The following ITSN2 variants were observed in gnomAD, a reference collection of about 807,000 sequenced individuals.
ITSN2 encodes intersectin-2.
A neutral mutation model predicts 243.7 loss-of-function variants in ITSN2; 156 were observed. The observed-to-expected ratio is 0.64, with a 90% confidence interval of 0.56 to 0.73. ITSN2 has a LOEUF of 0.73. ITSN2 is among the 30% of genes least tolerant of loss of function. The pLI is 0.00. For missense variants in ITSN2, 1,801 were observed against 1,996.1 expected (o/e 0.90, Z 1.86); for synonymous variants, 703 against 699.9 (o/e 1.00, Z -0.07).
intron 1 of ITSN2, among the ~76,000 whole-genome samples, chr2:24,342,633 T>C (rs1467520712): frequency 2.0e-5 from 3 of 151,092 alleles, no homozygotes; most frequent in Admixed American, 1.3e-4. Flanking sequence ...CTCAACCAGA[T>C]ATGTGCATTT....
intron 17 of ITSN2, among the ~76,000 whole-genome samples, chr2:24,283,296 C>T (rs1679053927): frequency 6.6e-6 from 1 of 152,052 alleles, no homozygotes; most frequent in African/African-American, 2.4e-5. Flanking sequence ...GCGACCTCGG[C>T]TCACTGCAAC....
intron 32 of ITSN2, 109 bp downstream of exon 32, chr2:24,215,940 A>G: frequency 2.7e-6 from 2 of 741,632 alleles, no homozygotes; most frequent in Non-Finnish European, 4.0e-6. Context: ...TCCTTTGGAA[A>G]CTGATGGGGA....
chr2:24,242,352 C>T (rs1188059345), intron 29 of ITSN2: 2 of 152,278 alleles, frequency 1.3e-5, no homozygotes, highest in African/African-American at 4.8e-5. Flanking sequence ...AATTATGTAA[C>T]AAAATGAAAA....
intron 29 of ITSN2, among the ~76,000 whole-genome samples, chr2:24,231,347 T>C (rs966898305): frequency 6.6e-6 from 1 of 152,216 alleles, no homozygotes; most frequent in African/African-American, 2.4e-5. Context: ...ATTTATGGAA[T>C]GTGATGTGAA....
At chr2:24,347,676 A>G (rs889325554) in intron 1 of ITSN2, among the ~76,000 whole-genome samples, 2 of 152,038 alleles carry the variant, frequency 1.3e-5, no homozygotes, top group African/African-American at 4.8e-5. Flanking sequence ...ATAAGAGCGA[A>G]ATGTCATCTC....
intron 12 of ITSN2, 53 bp from the exon 13 acceptor site, chr2:24,298,867 T>C: frequency 1.3e-6 from 2 of 1,521,698 alleles, no homozygotes; most frequent in Non-Finnish European, 1.8e-6. Flanking sequence ...TTTTGCACGA[T>C]TCAAAAACTG....
intron 18 of ITSN2, among the ~76,000 whole-genome samples, chr2:24,274,990 T>A (rs1344493179): frequency 2.0e-5 from 3 of 152,244 alleles, no homozygotes; most frequent in Non-Finnish European, 4.4e-5. Flanking sequence ...AGGCTTCAGA[T>A]ACCACAAATG....
At chr2:24,360,701 G>C (rs1313049235), upstream of ITSN2, 20 of 152,476 alleles carry the variant, frequency 1.3e-4, no homozygotes. Context: ...CTCCGAGTCG[G>C]TCGGGTCCGA....
At chr2:24,264,218 C>G (rs1676292854) in intron 20 of ITSN2, among the ~76,000 whole-genome samples, 1 of 151,790 alleles carries the variant, frequency 6.6e-6, no homozygotes, top group African/African-American at 2.4e-5. Flanking sequence ...ATGGAAAAAC[C>G]CTGTCTCTAG....
chr2:24,248,602 TTATAGATGC>T lies in ITSN2; in HGVS notation c.3288+18_3288+26del, dbSNP rs1328512945. 6.4e-7 allele frequency: 1 copy of T among 1,556,978 alleles called. No homozygotes were observed. The highest frequency in any genetic ancestry group is 2.0e-5 in the Admixed American group (1 of 49,778). ...GCATGCAGTACTTTTATAATAAAAT[TTATAGATGC>T]TATTTAAAGAATATTACCTGTAACT... On this transcript the variant is annotated intron_variant, in intron 27 of 39. Transcript: ENST00000355123.
At chr2:24,256,496 C>G (rs955942923) in intron 23 of ITSN2, among the ~76,000 whole-genome samples, 10 of 152,164 alleles carry the variant, frequency 6.6e-5, no homozygotes, top group African/African-American at 2.2e-4. Flanking sequence ...CTACCAACTT[C>G]CATATAAAAC....
chr2:24,210,914 G>C lies in ITSN2; in HGVS notation c.4123C>G (p.His1375Asp), dbSNP rs1046351012. 3 of 1,614,216 alleles carry C rather than the reference G, an allele frequency of 1.9e-6. No individual in the cohort carries two copies. The highest frequency in any genetic ancestry group is 1.7e-6 in the Non-Finnish European group (2 of 1,180,034). Reference sequence around the variant, plus strand: ...TCGAGGGCCAGCTTTAGGGAGGAATGGTCTGCATGGCTCTCCGGGGTGTTC... The same window carrying C: ...TCGAGGGCCAGCTTTAGGGAGGAATCGTCTGCATGGCTCTCCGGGGTGTTC... Reference protein sequence around the residue: ...LENTPESHADHSSLKLALERA... With the variant: ...LENTPESHADDSSLKLALERA... The change falls in exon 34 of 40, where the codon CAT (histidine) becomes GAT (aspartate). Residue 1375 changes from histidine (H) to aspartate (D), a missense_variant. Physicochemically the swap from His to Asp is moderately conservative, Grantham distance 81. This residue lies in a region of ITSN2 where 928 missense variants were observed against 1,065.4 expected (regional missense o/e 0.87). Transcript: ENST00000355123.
chr2:24,284,771 A>G lies in ITSN2; in HGVS notation c.1936T>C (p.Leu646=). 1 of 1,584,564 alleles carries G rather than the reference A, an allele frequency of 6.3e-7. No homozygotes were observed. Residue 646 remains leucine (L), a synonymous_variant, in exon 17 of 40, where the codon TTA becomes CTA. Coordinates refer to ENST00000355123, the MANE Select transcript of ITSN2 (RefSeq NM_006277.3). ...AGATATTAGAAAATAACCTTAAGTA[A>G]GAGGAAGAGGTTGTTGAGACAGCTT... is the stretch of plus-strand genomic sequence containing the variant. The part of the protein sequence containing the change: ...LLSCLNNLFL[L]LKELRETYNT...
intron 1 of ITSN2, among the ~76,000 whole-genome samples, chr2:24,332,055 C>T (rs575986794): frequency 6.6e-6 from 1 of 152,248 alleles, no homozygotes; most frequent in South Asian, 2.1e-4. Context: ...ACCAGCCTGA[C>T]CAACATGGTG....
At chr2:24,289,929 A>G (rs1218775334) in intron 15 of ITSN2, among the ~76,000 whole-genome samples, 1 of 152,158 alleles carries the variant, frequency 6.6e-6, no homozygotes, top group Non-Finnish European at 1.5e-5. Flanking sequence ...GTTTACCCCC[A>G]TTGATTATGA....
At chr2:24,246,046 T>A (rs1673318975) in intron 29 of ITSN2, 83 bp downstream of exon 29, 2 of 905,830 alleles carry the variant, frequency 2.2e-6, no homozygotes, top group South Asian at 3.9e-5. Flanking sequence ...GAGTTTAAGA[T>A]CTAATCCAGA....
At chr2:24,355,530 A>G (rs1488151971) in intron 1 of ITSN2, among the ~76,000 whole-genome samples, 4 of 152,230 alleles carry the variant, frequency 2.6e-5, no homozygotes, top group Admixed American at 2.6e-4. Context: ...GGCTAGCCAT[A>G]TGCAGAAAAC....
At chr2:24,236,827 C>A (rs1043250593) in intron 29 of ITSN2, among the ~76,000 whole-genome samples, 4 of 151,592 alleles carry the variant, frequency 2.6e-5, no homozygotes, top group Admixed American at 2.0e-4. Flanking sequence ...GCAGCAGCAC[C>A]ACTCCCAGCT....
intron 29 of ITSN2, 109 bp from the exon 30 acceptor site, chr2:24,221,175 C>T (rs918827646): frequency 4.5e-5 from 56 of 1,257,340 alleles, no homozygotes; most frequent in East Asian, 5.1e-5. Flanking sequence ...GAAAGAATGA[C>T]GCAGCCTTAA....
Sources: gnomAD v4.1 joint callset for allele counts (sites outside exome capture counted in the v4.1 genomes callset) on GRCh38, gnomAD v4.1.1 for gene constraint, gnomAD v4.1.1 regional missense constraint, MANE v1.5 for transcripts, NCBI Gene and HGNC (gene_info 2026-07-23, HGNC 2026-07-21) for gene names.